URI1: variants seen among roughly 807,000 people sequenced by gnomAD.
URI1 encodes unconventional prefoldin RPB5 interactor 1.
URI1 carries 39 observed loss-of-function variants against 60.2 expected under a neutral mutation model. The observed-to-expected ratio is 0.65, with a 90% confidence interval of 0.50 to 0.85. The LOEUF is 0.85. Ranked by LOEUF, URI1 falls within the 40% of genes least tolerant of loss-of-function variation. The probability of loss-of-function intolerance (pLI) is 0.00; values close to 1 mark genes in which losing one functional copy is unlikely to be tolerated. For missense variants in URI1, 691 were observed against 665.9 expected (o/e 1.04, Z -0.42); for synonymous variants, 251 against 236.8 (o/e 1.06, Z -0.55).
At chr19:29,928,310 T>A (rs1352357093) in intron 1 of URI1, among the ~76,000 whole-genome samples, 1 of 152,064 alleles carries the variant, frequency 6.6e-6, no homozygotes, top group Non-Finnish European at 1.5e-5. Context: ...ACCGCCCAGG[T>A]CACGCCCAAG....
At chr19:29,985,079 C>T (rs957367637) in intron 2 of URI1, 144 bp from the exon 3 acceptor site, 35 of 646,922 alleles carry the variant, frequency 5.4e-5, no homozygotes, top group Non-Finnish European at 8.2e-5. Flanking sequence ...GAGATCACGC[C>T]ACTGCACTTT....
chr19:29,984,840 G>A (rs2055642561), intron 2 of URI1, among the ~76,000 whole-genome samples: 1 of 151,984 alleles, frequency 6.6e-6, no homozygotes, highest in African/African-American at 2.4e-5. Flanking sequence ...TTTTGAGTGA[G>A]GCCAGGTGCA....
intron 1 of URI1, among the ~76,000 whole-genome samples, chr19:29,950,807 T>C (rs1370811631): frequency 6.6e-6 from 1 of 152,236 alleles, no homozygotes; most frequent in Non-Finnish European, 1.5e-5. Flanking sequence ...GGCATTTGAC[T>C]CTCTTAGCTC....
At chr19:29,980,637 A>AC (rs2055583782) in intron 2 of URI1, among the ~76,000 whole-genome samples, 1 of 148,482 alleles carries the variant, frequency 6.7e-6, no homozygotes, top group South Asian at 2.1e-4. Flanking sequence ...AAAAAAAAAA[A>AC]AACTGGGCCA....
chr19:29,923,709 CCTTCAAG>C lies in URI1; in HGVS notation c.19_25del (p.Leu7GlufsTer28), dbSNP rs746735087. 399 of 1,536,536 alleles carry C rather than the reference CCTTCAAG, an allele frequency of 2.6e-4. No individual in the cohort carries two copies. The highest frequency in any genetic ancestry group is 3.3e-4 in the Non-Finnish European group (382 of 1,147,026). On this transcript the variant is annotated frameshift_variant, in exon 1 of 11. Coordinates refer to the URI1 transcript ENST00000360605. LOFTEE classifies it high-confidence loss of function. ...CTGCCCTGATGACAACATGGTCTTC[CCTTCAAG>C]GAAGCCACGTTTCTAAGAGGGCTCT...
chr19:29,993,595 CT>C (rs111505537), intron 4 of URI1, among the ~76,000 whole-genome samples: 17 of 147,832 alleles, frequency 1.1e-4, no homozygotes, highest in South Asian at 2.2e-4. Flanking sequence ...CCGAATACAG[CT>C]TTTTTTTTTA....
intron 1 of URI1, among the ~76,000 whole-genome samples, chr19:29,949,402 A>G (rs1376892989): frequency 2.1e-5 from 3 of 141,954 alleles, no homozygotes; most frequent in Non-Finnish European, 4.6e-5. Flanking sequence ...GGCGGCCGGG[A>G]AGAGGCGCTC....
At chr19:29,947,399 G>GA (rs1036525641) in intron 1 of URI1, among the ~76,000 whole-genome samples, 2 of 152,134 alleles carry the variant, frequency 1.3e-5, no homozygotes, top group Non-Finnish European at 2.9e-5. Context: ...TTTTTGCCTG[G>GA]AACTTTCTCA....
Position 29,961,946 on chromosome 19 carries a change from A to G in URI1, c.118-9247A>G, listed in dbSNP as rs187444097. On this transcript the variant is annotated intron_variant, in intron 1 of 10. Transcript: ENST00000392271. ...GTGATCCACCCACCTCGGCCTCCCAAAGTGCTGGGATTACAGGCGTGTGCC... is the reference window on the plus strand; with the variant it reads ...GTGATCCACCCACCTCGGCCTCCCAGAGTGCTGGGATTACAGGCGTGTGCC... 4.5e-4 allele frequency among the ~76,000 whole-genome samples: 68 copies of G among 152,122 alleles called. No individual in the cohort carries two copies. In the East Asian group the frequency reaches 0.012, roughly 26 times the overall value.
chr19:29,969,564 A>C (rs182820720), intron 1 of URI1, among the ~76,000 whole-genome samples: 3 of 152,188 alleles, frequency 2.0e-5, no homozygotes, highest in Non-Finnish European at 4.4e-5. Context: ...ATATGCAGCT[A>C]CGAAAGGATT....
At chr19:30,007,033 T>C (rs1284646255) in intron 6 of URI1, among the ~76,000 whole-genome samples, 1 of 152,150 alleles carries the variant, frequency 6.6e-6, no homozygotes, top group Non-Finnish European at 1.5e-5. Context: ...TGCACGTTAC[T>C]GTAGTAACTA....
At position 30,011,234 on chromosome 19, in the gene URI1, C is replaced by A; in HGVS notation, c.1176C>A (p.Tyr392Ter). Residue 392 changes from tyrosine (Y) to a stop codon, truncating the protein, a stop_gained and splice_region_variant, in exon 9 of 11, where the codon TAC (tyrosine) becomes TAA (stop). Transcript: ENST00000392271. LOFTEE classifies it high-confidence loss of function. ...CCATCAGGACGCCTGCAGACATTTACAGGTGGGAGGCGCTCACAGCTGCAG... is the reference window on the plus strand; with the variant it reads ...CCATCAGGACGCCTGCAGACATTTAAAGGTGGGAGGCGCTCACAGCTGCAG... The part of the protein sequence containing the change: ...LPTIRTPADI[Y>*]RAFVDVVNGE... 6.2e-7 allele frequency: 1 copy of A among 1,605,888 alleles called. No homozygotes were observed. The highest frequency in any genetic ancestry group is 8.5e-7 in the Non-Finnish European group (1 of 1,177,600).
chr19:29,993,015 G>C (rs1284865693), intron 4 of URI1, among the ~76,000 whole-genome samples: 1 of 152,106 alleles, frequency 6.6e-6, no homozygotes, highest in African/African-American at 2.4e-5. Context: ...AAGATAATAT[G>C]GGGAGAATTA....
chr19:30,013,292 A>G (rs570704186), intron 10 of URI1, among the ~76,000 whole-genome samples: 154 of 152,358 alleles, frequency 1.0e-3, no homozygotes, highest in Non-Finnish European at 1.1e-3. Context: ...ACATGCATAT[A>G]TATAACCTTA....
intron 1 of URI1, among the ~76,000 whole-genome samples, chr19:29,958,518 T>C (rs1014633028): frequency 4.6e-5 from 7 of 152,278 alleles, no homozygotes; most frequent in Admixed American, 1.3e-4. Context: ...TGCCATTGCA[T>C]TCCTGCAGCA....
upstream of URI1, among the ~76,000 whole-genome samples, chr19:29,940,417 G>C (rs138849929): frequency 4.6e-5 from 7 of 152,336 alleles, no homozygotes; most frequent in African/African-American, 1.7e-4. Flanking sequence ...AGGAGGCCAA[G>C]GCGGGTGGAT....
At chr19:29,932,714 C>T (rs1396618494) in intron 1 of URI1, among the ~76,000 whole-genome samples, 9 of 148,360 alleles carry the variant, frequency 6.1e-5, no homozygotes, top group South Asian at 2.2e-4. Flanking sequence ...TGCAGTGGCA[C>T]GATCTTGGTT....
At chr19:29,994,781 AT>A (rs539678001) in intron 4 of URI1, among the ~76,000 whole-genome samples, 4,578 of 136,404 alleles carry the variant, frequency 0.034, 202 homozygotes, top group African/African-American at 0.11. Flanking sequence ...AATTCTGTGG[AT>A]TTTTTTTTTT....
At chr19:29,982,196 T>A (rs1203105735) in intron 2 of URI1, among the ~76,000 whole-genome samples, 3 of 152,212 alleles carry the variant, frequency 2.0e-5, no homozygotes, top group African/African-American at 7.2e-5. Context: ...CTTCTACTTT[T>A]GTATTTTTAG....
Sources: gnomAD v4.1 joint callset for allele counts (sites outside exome capture counted in the v4.1 genomes callset) on GRCh38, gnomAD v4.1.1 for gene constraint, MANE v1.5 for transcripts, NCBI Gene and HGNC (gene_info 2026-07-23, HGNC 2026-07-21) for gene names.